Variants in NDST3 observed in about 807,000 individuals in gnomAD.
NDST3 encodes bifunctional heparan sulfate N-deacetylase/N-sulfotransferase 3.
In NDST3, 58 loss-of-function variants were observed where a neutral mutation model predicts 96.1. That is an observed-to-expected ratio of 0.60 (90% confidence interval 0.49 to 0.75). The LOEUF is 0.75. NDST3 is among the 30% of genes least tolerant of loss of function. The pLI, the probability that NDST3 is intolerant of heterozygous loss-of-function variation, is 0.00. For missense variants in NDST3, 788 were observed against 1,034.2 expected (o/e 0.76, Z 3.27); for synonymous variants, 333 against 359.7 (o/e 0.93, Z 0.84).
chr4:118,190,781 C>G (rs1238285513), intron 6 of NDST3, among the ~76,000 whole-genome samples: 1 of 152,192 alleles, frequency 6.6e-6, no homozygotes, highest in Non-Finnish European at 1.5e-5. Context: ...GCCACCTATG[C>G]AGACCCCCAA....
intron 1 of NDST3, among the ~76,000 whole-genome samples, chr4:118,040,253 T>C (rs943941491): frequency 6.6e-6 from 1 of 152,234 alleles, no homozygotes; most frequent in Admixed American, 6.5e-5. Flanking sequence ...TTATATCAAG[T>C]TGATAGTTCA....
intron 6 of NDST3, among the ~76,000 whole-genome samples, chr4:118,214,437 A>T (rs1027035491): frequency 2.0e-5 from 3 of 152,202 alleles, no homozygotes; most frequent in Admixed American, 6.5e-5. Context: ...TTTTATGTTG[A>T]TTACATGCTG....
chr4:118,040,865 TTTTATATATATATATA>T (rs1553924509), intron 1 of NDST3, among the ~76,000 whole-genome samples: 66 of 28,746 alleles, frequency 2.3e-3, no homozygotes, highest in Admixed American at 5.5e-3. Flanking sequence ...ATTTATATAT[TTTTATATATATATATA>T]TTTATATATA....
intron 2 of NDST3, among the ~76,000 whole-genome samples, chr4:118,085,855 G>T (rs1410415299): frequency 6.6e-6 from 1 of 152,194 alleles, no homozygotes; most frequent in African/African-American, 2.4e-5. Context: ...CTTTCCCTGG[G>T]AGTTCAATCA....
chr4:118,099,824 G>GT (rs1242850904), intron 2 of NDST3, among the ~76,000 whole-genome samples: 3 of 151,956 alleles, frequency 2.0e-5, no homozygotes, highest in African/African-American at 7.3e-5. Context: ...ATATTTCAAT[G>GT]TTTTTCTTGT....
chr4:118,087,915 G>A (rs182654338), intron 2 of NDST3, among the ~76,000 whole-genome samples: 6 of 152,194 alleles, frequency 3.9e-5, no homozygotes, highest in Non-Finnish European at 8.8e-5. Flanking sequence ...GTGGAATGTA[G>A]TTAGATTCAA....
Position 118,224,438 on chromosome 4 carries a change from C to T in NDST3, c.1540-53C>T, listed in dbSNP as rs886509399. The T allele has an allele frequency of 2.0e-6, 3 of 1,501,456 alleles. No homozygotes were observed. The Admixed American group carries it at 5.4e-5, about 27-fold the overall frequency. The allele number at this position is 1,501,456 out of a possible 1,614,324, so 93.0% of individuals were successfully genotyped here. ...CTAGCATGGCTGTGATTATACTGCC[C>T]TCTAGTGTCAAAATAAATGTTATTT... On this transcript the variant is annotated intron_variant, in intron 6 of 13. Transcript: ENST00000296499.
intron 6 of NDST3, among the ~76,000 whole-genome samples, chr4:118,206,068 G>A (rs956349032): frequency 4.2e-5 from 6 of 142,588 alleles, no homozygotes; most frequent in Admixed American, 1.4e-4. Flanking sequence ...TCCTGACCTC[G>A]TGATCCGCCC....
intron 4 of NDST3, among the ~76,000 whole-genome samples, chr4:118,120,431 A>G: frequency 6.6e-6 from 1 of 152,152 alleles, no homozygotes; most frequent in East Asian, 1.9e-4. Context: ...GACTTTGAAT[A>G]ATTTCAGTAT....
At chr4:118,046,418 G>A (rs1222152576) in intron 1 of NDST3, among the ~76,000 whole-genome samples, 1 of 152,190 alleles carries the variant, frequency 6.6e-6, no homozygotes, top group Non-Finnish European at 1.5e-5. Flanking sequence ...CCTCCAAAAA[G>A]CTCTAGCCAC....
intron 6 of NDST3, among the ~76,000 whole-genome samples, chr4:118,166,380 G>C (rs1251244028): frequency 2.0e-5 from 3 of 151,860 alleles, no homozygotes; most frequent in Non-Finnish European, 1.5e-5. Flanking sequence ...GAGCAGGCTT[G>C]TAACTAGTAA....
chr4:118,240,992 A>T (rs189882214), intron 11 of NDST3, among the ~76,000 whole-genome samples: 4 of 152,328 alleles, frequency 2.6e-5, no homozygotes, highest in Admixed American at 6.5e-5. Flanking sequence ...AGAACCTCTT[A>T]ACCAAACAAG....
chr4:118,115,335 T>C (rs1433442178), intron 4 of NDST3, among the ~76,000 whole-genome samples: 2 of 152,116 alleles, frequency 1.3e-5, no homozygotes, highest in Admixed American at 1.3e-4. Context: ...TGACAAACCT[T>C]ACAGCCACAA....
At chr4:118,178,601 CTTCCACCTT>C (rs1317282667) in intron 6 of NDST3, among the ~76,000 whole-genome samples, 5 of 152,002 alleles carry the variant, frequency 3.3e-5, no homozygotes, top group African/African-American at 1.2e-4. Flanking sequence ...ACTTAAATTG[CTTCCACCTT>C]GTGGCCATTG....
intron 2 of NDST3, among the ~76,000 whole-genome samples, chr4:118,077,238 G>A (rs1304443918): frequency 6.6e-6 from 1 of 152,094 alleles, no homozygotes; most frequent in African/African-American, 2.4e-5. Flanking sequence ...CTGGGGCAAT[G>A]GCAACAGGAT....
At chr4:118,214,077 G>C (rs1385288606) in intron 6 of NDST3, among the ~76,000 whole-genome samples, 2 of 151,828 alleles carry the variant, frequency 1.3e-5, no homozygotes, top group African/African-American at 4.9e-5. Flanking sequence ...GAGCAGTGGA[G>C]ATACAAAGAG....
chr4:118,041,381 C>A (rs1333887674), intron 1 of NDST3, among the ~76,000 whole-genome samples: 1 of 152,158 alleles, frequency 6.6e-6, no homozygotes, highest in South Asian at 2.1e-4. Flanking sequence ...CTTCCCATAT[C>A]ATATTATTTC....
intron 10 of NDST3, among the ~76,000 whole-genome samples, chr4:118,239,808 C>A (rs545324853): frequency 6.6e-6 from 1 of 152,102 alleles, no homozygotes; most frequent in Non-Finnish European, 1.5e-5. Context: ...CATCCACAAA[C>A]TCACCACTAA....
chr4:118,165,215 T>C (rs1735463899), intron 6 of NDST3, among the ~76,000 whole-genome samples: 1 of 151,990 alleles, frequency 6.6e-6, no homozygotes, highest in African/African-American at 2.4e-5. Flanking sequence ...ACTCACAGGC[T>C]GAAAGTGAAA....
Sources: allele counts gnomAD v4.1 joint callset (sites outside exome capture counted in the v4.1 genomes callset), GRCh38; gene constraint gnomAD v4.1.1; transcripts MANE v1.5; gene names NCBI Gene and HGNC (gene_info 2026-07-23, HGNC 2026-07-21).